SRL: variants seen among roughly 807,000 people sequenced by gnomAD.
SRL encodes the protein sarcalumenin.
A neutral mutation model predicts 39.5 loss-of-function variants in SRL; 23 were observed. That is an observed-to-expected ratio of 0.58 (90% CI 0.42 to 0.82). SRL has a LOEUF of 0.82. Ranked by LOEUF, SRL falls within the 40% of genes least tolerant of loss-of-function variation. SRL has a pLI of 0.00. For missense variants in SRL, 592 were observed against 607.8 expected, an observed-to-expected ratio of 0.97 and a Z score of 0.27; for synonymous variants, 272 against 237.4, an observed-to-expected ratio of 1.15 and a Z score of -1.34.
At chr16:4,219,765 T>C (rs893172059) in intron 1 of SRL, among the ~76,000 whole-genome samples, 1 of 152,122 alleles carries the variant, frequency 6.6e-6, no homozygotes, top group Non-Finnish European at 1.5e-5. Flanking sequence ...CTGGCCTGTA[T>C]GGAGATTTTA....
chr16:4,228,605 G>T (rs963135872), intron 1 of SRL, among the ~76,000 whole-genome samples: 76 of 151,270 alleles, frequency 5.0e-4, no homozygotes, highest in African/African-American at 1.8e-3. Flanking sequence ...CGTGGTGGCG[G>T]GCACCTGTAG....
At chr16:4,196,471 CTTTTTTTTTTTTT>C (rs35980213) in intron 4 of SRL, among the ~76,000 whole-genome samples, 2 of 123,746 alleles carry the variant, frequency 1.6e-5, no homozygotes, top group African/African-American at 6.2e-5. Context: ...ATTTTGCCTT[CTTTTTTTTTTTTT>C]TTTTTTTTCC....
At chr16:4,206,926 G>A (rs915558984) in intron 1 of SRL, 5 of 456,262 alleles carry the variant, frequency 1.1e-5, no homozygotes, top group African/African-American at 1.0e-4. Flanking sequence ...GCTTCCTGGG[G>A]CTCCCTGGCT....
At chr16:4,210,177 T>A (rs2052375322) in intron 1 of SRL, among the ~76,000 whole-genome samples, 1 of 152,178 alleles carries the variant, frequency 6.6e-6, no homozygotes, top group Admixed American at 6.5e-5. Flanking sequence ...GAGCTGACTG[T>A]TGCTCAGTTT....
chr16:4,206,404 G>T (rs938826017), intron 1 of SRL, among the ~76,000 whole-genome samples: 2 of 152,054 alleles, frequency 1.3e-5, no homozygotes, highest in Non-Finnish European at 2.9e-5. Flanking sequence ...CGCTGGCCCC[G>T]GGGCACCAAT....
chr16:4,229,751 A>T (rs1264581309), intron 1 of SRL, among the ~76,000 whole-genome samples: 1 of 152,078 alleles, frequency 6.6e-6, no homozygotes, highest in Non-Finnish European at 1.5e-5. Context: ...TCCATGTAAA[A>T]AACCTGCACA....
At chr16:4,221,866 T>C (rs1248526924) in intron 1 of SRL, among the ~76,000 whole-genome samples, 1 of 151,120 alleles carries the variant, frequency 6.6e-6, no homozygotes, top group Non-Finnish European at 1.5e-5. Context: ...GTCACTCCAG[T>C]CTCTGCCTCC....
At chr16:4,224,475 A>G (rs923930894) in intron 1 of SRL, among the ~76,000 whole-genome samples, 1 of 152,086 alleles carries the variant, frequency 6.6e-6, no homozygotes, top group Non-Finnish European at 1.5e-5. Context: ...GGAGGCCGAG[A>G]CGGGAGGATT....
In SRL at chr16:4,197,289, C is replaced by T. The variant is rs188908002; in HGVS notation, c.376+510G>A. Among the ~76,000 whole-genome samples, 828 of 151,824 alleles carry T rather than the reference C, an allele frequency of 5.5e-3. 11 individuals are homozygous for T. The highest frequency in any genetic ancestry group is 0.018 in the African/African-American group (764 of 41,412). On this transcript the variant is annotated intron_variant, in intron 4 of 5. Coordinates refer to ENST00000399609, the MANE Select transcript of SRL (RefSeq NM_001098814.2). ...TTCACCATGTTGGCCAGGCTGGTCT[C>T]GAACTCCTGACCTCAGGTCATCCTC...
At chr16:4,236,821 T>C (rs1458420750) in intron 1 of SRL, among the ~76,000 whole-genome samples, 2 of 151,906 alleles carry the variant, frequency 1.3e-5, no homozygotes, top group Non-Finnish European at 2.9e-5. Context: ...TTTTTTGTAT[T>C]TTTAGTAGAG....
At chr16:4,238,991 G>A (rs1163570282) in intron 1 of SRL, among the ~76,000 whole-genome samples, 1 of 152,104 alleles carries the variant, frequency 6.6e-6, no homozygotes, top group Non-Finnish European at 1.5e-5. Flanking sequence ...CTCACTGTGG[G>A]ACCAGATGTC....
chr16:4,203,043 A>G lies in SRL; in HGVS notation c.259+123T>C. On this transcript the variant is annotated intron_variant, in intron 3 of 5. Transcript: ENST00000399609. ...AGACCCACAAGTCCTTGCACACATCATGAATGAGCTCCTGAACCTGTGTGG... is the reference window on the plus strand; with the variant it reads ...AGACCCACAAGTCCTTGCACACATCGTGAATGAGCTCCTGAACCTGTGTGG... 7.0e-6 allele frequency: 6 copies of G among 857,276 alleles called. No homozygotes were observed. The South Asian group carries it at 9.1e-5, about 13-fold the overall frequency. The allele number at this position is 857,276 out of a possible 1,614,324, so 53.1% of individuals were successfully genotyped here. A position where few individuals can be genotyped will look rare whatever the true frequency, so the allele number is the denominator to read the frequency against.
At chr16:4,198,918 A>T (rs2052184624) in intron 3 of SRL, among the ~76,000 whole-genome samples, 1 of 152,202 alleles carries the variant, frequency 6.6e-6, no homozygotes, top group Non-Finnish European at 1.5e-5. Context: ...CCTAAGAGGA[A>T]AAATAGAATG....
chr16:4,210,546 G>A lies in SRL; in HGVS notation c.62-5912C>T, dbSNP rs191385613. On this transcript the variant is annotated intron_variant, in intron 1 of 5. Transcript: ENST00000399609. ...ACTCTGTCACCCAGGCTGGAGTGCA[G>A]TGAACGCGATCTCGGTTCACTGTAA... 1.4e-3 allele frequency among the ~76,000 whole-genome samples: 196 copies of A among 138,830 alleles called. 2 individuals carry two copies. Among genetic ancestry groups the A allele is most frequent in the African/African-American group, 5.2e-3 (190 of 36,592 alleles). 91.1% of individuals were successfully genotyped at this position (138,830 alleles called of 152,430 possible).
intron 5 of SRL, among the ~76,000 whole-genome samples, chr16:4,193,942 CTATAA>C (rs1488210158): frequency 1.3e-5 from 2 of 149,646 alleles, no homozygotes; most frequent in African/African-American, 4.9e-5. Flanking sequence ...ATTAAATATA[CTATAA>C]TATTATTACT....
chr16:4,216,448 T>G (rs769317842), intron 1 of SRL, among the ~76,000 whole-genome samples: 3 of 152,024 alleles, frequency 2.0e-5, no homozygotes, highest in Non-Finnish European at 4.4e-5. Flanking sequence ...ATTTTTGTAT[T>G]TTTTGTAGAG....
chr16:4,209,849 A>T (rs2141041449), intron 1 of SRL, among the ~76,000 whole-genome samples: 1 of 152,274 alleles, frequency 6.6e-6, no homozygotes. Context: ...CCTGCCCTAG[A>T]TACATCACCA....
intron 1 of SRL, among the ~76,000 whole-genome samples, chr16:4,224,289 C>T (rs2052562960): frequency 6.6e-6 from 1 of 152,146 alleles, no homozygotes; most frequent in African/African-American, 2.4e-5. Context: ...CAACCCTGCC[C>T]ACCCCTCAGA....
intron 2 of SRL, among the ~76,000 whole-genome samples, chr16:4,203,813 C>T (rs904065324): frequency 2.0e-5 from 3 of 152,228 alleles, no homozygotes; most frequent in Non-Finnish European, 4.4e-5. Context: ...TCTCTGTTGC[C>T]CACCTCTGTG....
Sources: allele counts gnomAD v4.1 joint callset (sites outside exome capture counted in the v4.1 genomes callset), GRCh38; gene constraint gnomAD v4.1.1; transcripts MANE v1.5; gene names NCBI Gene and HGNC (gene_info 2026-07-23, HGNC 2026-07-21).